The following CLASP1 variants were observed in gnomAD, a reference collection of about 807,000 sequenced individuals.
The protein encoded by CLASP1 is cytoplasmic linker associated protein 1, also known as CLIP-associating protein 1.
In CLASP1, 38 loss-of-function variants were observed where a neutral mutation model predicts 192.3. The observed-to-expected ratio is 0.20, with a 90% CI of 0.15 to 0.26. The LOEUF is 0.26. Among genes scored for constraint, CLASP1 ranks in the 10% least tolerant of loss-of-function variants. CLASP1 has a pLI of 1.00. For missense variants in CLASP1, 1,433 were observed against 1,932.5 expected (o/e 0.74, Z 4.85); for synonymous variants, 691 against 712.8 (o/e 0.97, Z 0.49).
intron 7 of CLASP1, 76 bp from the exon 8 acceptor site, chr2:121,503,310 A>G: frequency 1.2e-6 from 1 of 846,012 alleles, no homozygotes; most frequent in Non-Finnish European, 1.9e-6. Flanking sequence ...GCTAATGTGA[A>G]GTTGATCCCC....
intron 15 of CLASP1, 79 bp downstream of exon 15, chr2:121,451,711 G>A: frequency 9.0e-7 from 1 of 1,106,696 alleles, no homozygotes; most frequent in Non-Finnish European, 1.3e-6. Context: ...CTTACAGAAA[G>A]CCAGCTGGAC....
intron 2 of CLASP1, among the ~76,000 whole-genome samples, chr2:121,561,242 A>T (rs1047210067): frequency 1.3e-5 from 2 of 152,208 alleles, no homozygotes; most frequent in Admixed American, 1.3e-4. Context: ...AAAGTTGAAA[A>T]AGTAATAATA....
intron 19 of CLASP1, among the ~76,000 whole-genome samples, chr2:121,445,757 T>A (rs2084212248): frequency 6.6e-6 from 1 of 152,108 alleles, no homozygotes; most frequent in Admixed American, 6.5e-5. Context: ...AAGGGTCAGC[T>A]CCATATTATC....
At chr2:121,401,282 T>C (rs1302580846) in intron 28 of CLASP1, among the ~76,000 whole-genome samples, 1 of 152,214 alleles carries the variant, frequency 6.6e-6, no homozygotes, top group Admixed American at 6.5e-5. Context: ...GTTTATTATA[T>C]ATGTCTTAAA....
chr2:121,644,380 T>A (rs1041532131), intron 1 of CLASP1, among the ~76,000 whole-genome samples: 2 of 148,500 alleles, frequency 1.3e-5, no homozygotes, highest in African/African-American at 2.5e-5. Context: ...CCGGGGGCAG[T>A]GGGTCACACC....
At chr2:121,386,994 C>T (rs1022216126) in intron 32 of CLASP1, 128 bp downstream of exon 33, 10 of 775,364 alleles carry the variant, frequency 1.3e-5, no homozygotes, top group African/African-American at 5.2e-5. Context: ...AGGACTAGAA[C>T]CCACGGTTCT....
intron 19 of CLASP1, among the ~76,000 whole-genome samples, chr2:121,439,485 C>G (rs555485734): frequency 6.6e-6 from 1 of 152,156 alleles, no homozygotes; most frequent in South Asian, 2.1e-4. Flanking sequence ...TCCCTCTACA[C>G]ACTGCTTTGA....
At chr2:121,586,124 C>T (rs990347183) in intron 2 of CLASP1, among the ~76,000 whole-genome samples, 1 of 151,818 alleles carries the variant, frequency 6.6e-6, no homozygotes, top group African/African-American at 2.4e-5. Flanking sequence ...TTTTGAGGAC[C>T]CTATTCTTTT....
intron 8 of CLASP1, among the ~76,000 whole-genome samples, chr2:121,485,465 T>C (rs1175159573): frequency 1.3e-5 from 2 of 152,214 alleles, no homozygotes; most frequent in Non-Finnish European, 2.9e-5. Flanking sequence ...TTTTCATTTC[T>C]GTATAAAGAA....
intron 2 of CLASP1, among the ~76,000 whole-genome samples, chr2:121,542,625 A>G (rs2095256713): frequency 1.3e-5 from 2 of 152,206 alleles, no homozygotes; most frequent in South Asian, 4.1e-4. Flanking sequence ...TCAACCCAAT[A>G]ACAATGCCAC....
intron 2 of CLASP1, among the ~76,000 whole-genome samples, chr2:121,542,582 T>C (rs2095256008): frequency 6.6e-6 from 1 of 152,218 alleles, no homozygotes; most frequent in Non-Finnish European, 1.5e-5. Flanking sequence ...CTTGTTATCC[T>C]TCAAAGCAGT....
At chr2:121,465,368 C>A (rs1394514179) in intron 9 of CLASP1, among the ~76,000 whole-genome samples, 3 of 152,186 alleles carry the variant, frequency 2.0e-5, no homozygotes, top group African/African-American at 7.2e-5. Context: ...CATTCTTATA[C>A]ACCAATAACA....
At chr2:121,454,090 C>T (rs1190170817) in intron 14 of CLASP1, among the ~76,000 whole-genome samples, 1 of 152,150 alleles carries the variant, frequency 6.6e-6, no homozygotes, top group East Asian at 1.9e-4. Context: ...GGGTGCTACT[C>T]ATATTTAGTG....
At chr2:121,586,034 TTTAG>T (rs1302659353) in intron 2 of CLASP1, among the ~76,000 whole-genome samples, 1 of 152,234 alleles carries the variant, frequency 6.6e-6, no homozygotes, top group Non-Finnish European at 1.5e-5. Flanking sequence ...TACTTGCTCC[TTTAG>T]TTAAAGATAA....
chr2:121,526,573 T>TC (rs548160307), intron 5 of CLASP1, among the ~76,000 whole-genome samples: 30 of 152,192 alleles, frequency 2.0e-4, no homozygotes, highest in Non-Finnish European at 3.8e-4. Flanking sequence ...CTTTTTTTTT[T>TC]CTTAAGCTTC....
rs2062373845 is a variant in CLASP1, at chr2:121,591,299, TCAAA to T, written c.195+14398_195+14401del. ...AAATTGTATCATGAAGCCTGAAATCTCAAACAATTATCAAATTCATCCCAGTCCT... is the reference window on the plus strand; with the variant it reads ...AAATTGTATCATGAAGCCTGAAATCTCAATTATCAAATTCATCCCAGTCCT... On this transcript the variant is annotated intron_variant, in intron 2 of 39. Coordinates refer to ENST00000263710, the Ensembl canonical transcript of CLASP1. Among the ~76,000 whole-genome samples the T allele has an allele frequency of 7.2e-5, 11 of 152,306 alleles. No homozygotes were observed. The South Asian group carries it at 2.3e-3, about 32-fold the overall frequency.
intron 2 of CLASP1, among the ~76,000 whole-genome samples, chr2:121,592,404 T>A (rs1185733232): frequency 6.6e-6 from 1 of 152,222 alleles, no homozygotes; most frequent in Non-Finnish European, 1.5e-5. Flanking sequence ...AATGTATGAA[T>A]ATAAATGTAC....
intron 2 of CLASP1, among the ~76,000 whole-genome samples, chr2:121,575,238 A>G (rs908465132): frequency 3.4e-4 from 51 of 151,524 alleles, no homozygotes; most frequent in African/African-American, 1.1e-3. Context: ...CAGCCTCCTG[A>G]GTAGCTAGGA....
intron 25 of CLASP1, among the ~76,000 whole-genome samples, chr2:121,406,754 T>C (rs1020314053): frequency 6.6e-6 from 1 of 152,096 alleles, no homozygotes; most frequent in African/African-American, 2.4e-5. Context: ...CACATCCGGC[T>C]AATGTTTTAA....
Sources: allele counts gnomAD v4.1 joint callset (sites outside exome capture counted in the v4.1 genomes callset), GRCh38; gene constraint gnomAD v4.1.1; transcripts MANE v1.5; gene names NCBI Gene and HGNC (gene_info 2026-07-23, HGNC 2026-07-21).